Variants in APBA1 observed in about 807,000 individuals in gnomAD.
APBA1 encodes the protein amyloid-beta A4 precursor protein-binding family A member 1.
A neutral mutation model predicts 86.6 loss-of-function variants in APBA1; 55 were observed. That is an observed-to-expected ratio of 0.64 (90% CI 0.51 to 0.80). The LOEUF is 0.80. Ranked by LOEUF, APBA1 falls within the 30% of genes least tolerant of loss-of-function variation. APBA1 has a pLI of 0.00. For missense variants in APBA1, 1,090 were observed against 1,183.0 expected (o/e 0.92, Z 1.15); for synonymous variants, 511 against 493.9 (o/e 1.03, Z -0.46).
chr9:69,567,183 A>G (rs1837040557), intron 1 of APBA1, among the ~76,000 whole-genome samples: 1 of 152,152 alleles, frequency 6.6e-6, no homozygotes, highest in Admixed American at 6.5e-5. Context: ...GCGATCAATC[A>G]TTTCCACACA....
At chr9:69,631,582 T>G (rs2133998492) in intron 1 of APBA1, among the ~76,000 whole-genome samples, 1 of 152,342 alleles carries the variant, frequency 6.6e-6, no homozygotes, top group South Asian at 2.1e-4. Flanking sequence ...TTATAAATCA[T>G]GCTGCTATAA....
chr9:69,581,866 C>T (rs1821918206), intron 1 of APBA1, among the ~76,000 whole-genome samples: 1 of 152,090 alleles, frequency 6.6e-6, no homozygotes, highest in African/African-American at 2.4e-5. Flanking sequence ...CCCTCTGAGA[C>T]ATTTTGTGAG....
chr9:69,492,251 A>G (rs1180981364), intron 2 of APBA1, among the ~76,000 whole-genome samples: 2 of 152,036 alleles, frequency 1.3e-5, no homozygotes, highest in South Asian at 2.1e-4. Context: ...GGAAACAGCT[A>G]GCACCCACCT....
chr9:69,585,460 A>G (rs555066202), intron 1 of APBA1, among the ~76,000 whole-genome samples: 48 of 152,298 alleles, frequency 3.2e-4, no homozygotes, highest in African/African-American at 1.1e-3. Context: ...GCCTAGCCCA[A>G]TGTGCCCTGG....
At chr9:69,499,773 C>G (rs1268291460) in intron 2 of APBA1, among the ~76,000 whole-genome samples, 1 of 151,522 alleles carries the variant, frequency 6.6e-6, no homozygotes, top group East Asian at 1.9e-4. Flanking sequence ...CCTACACCCT[C>G]ACTGCAACAT....
At chr9:69,656,549 T>C (rs1379913167) in intron 1 of APBA1, among the ~76,000 whole-genome samples, 2 of 152,210 alleles carry the variant, frequency 1.3e-5, no homozygotes, top group Admixed American at 6.5e-5. Flanking sequence ...GAGTAGTGGT[T>C]ACCTTTCTGA....
intron 11 of APBA1, among the ~76,000 whole-genome samples, chr9:69,433,464 G>A (rs1834640045): frequency 1.3e-5 from 2 of 152,250 alleles, no homozygotes; most frequent in African/African-American, 4.8e-5. Flanking sequence ...GTGTGATTCT[G>A]AGTGTGTGGC....
intron 1 of APBA1, among the ~76,000 whole-genome samples, chr9:69,556,620 CCA>C (rs1836863449): frequency 6.6e-6 from 1 of 152,098 alleles, no homozygotes; most frequent in Non-Finnish European, 1.5e-5. Flanking sequence ...GGGATGATGC[CCA>C]GTCTCAACAG....
chr9:69,451,198 C>T (rs996541737), intron 9 of APBA1, among the ~76,000 whole-genome samples: 3 of 152,296 alleles, frequency 2.0e-5, no homozygotes, highest in African/African-American at 4.8e-5. Flanking sequence ...TCCCTCTGGA[C>T]AGAAGGAAGC....
chr9:69,512,363 G>GA (rs1434215914), intron 2 of APBA1, among the ~76,000 whole-genome samples: 9 of 152,064 alleles, frequency 5.9e-5, no homozygotes, highest in Non-Finnish European at 1.0e-4. Context: ...TTTGCTCCAA[G>GA]AAAAAAGCAC....
intron 1 of APBA1, among the ~76,000 whole-genome samples, chr9:69,652,869 C>T (rs186614682): frequency 9.2e-5 from 14 of 151,998 alleles, no homozygotes; most frequent in East Asian, 7.7e-4. Flanking sequence ...GTGGTATGCG[C>T]GCCTGTAGTC....
At chr9:69,593,488 G>A (rs943296567) in intron 1 of APBA1, among the ~76,000 whole-genome samples, 1 of 152,128 alleles carries the variant, frequency 6.6e-6, no homozygotes, top group Non-Finnish European at 1.5e-5. Context: ...CCGTCAACAA[G>A]GGGCTAAAAG....
intron 1 of APBA1, among the ~76,000 whole-genome samples, chr9:69,518,181 TAAC>T (rs933513241): frequency 1.2e-4 from 18 of 152,162 alleles, no homozygotes; most frequent in African/African-American, 3.9e-4. Context: ...AAATACAGTA[TAAC>T]AACAATTTAT....
intron 1 of APBA1, among the ~76,000 whole-genome samples, chr9:69,609,482 T>A (rs998299572): frequency 2.0e-5 from 3 of 152,244 alleles, no homozygotes; most frequent in Non-Finnish European, 2.9e-5. Flanking sequence ...CTCTTACATT[T>A]CCTTTAAAAA....
chr9:69,611,256 CTCTG>C (rs1221989806), intron 1 of APBA1, among the ~76,000 whole-genome samples: 3 of 137,388 alleles, frequency 2.2e-5, no homozygotes, highest in Non-Finnish European at 4.6e-5. Context: ...ATAAAAATTG[CTCTG>C]TCTGACATGC....
intron 2 of APBA1, among the ~76,000 whole-genome samples, chr9:69,513,237 C>G (rs1384678244): frequency 6.6e-6 from 1 of 152,232 alleles, no homozygotes; most frequent in Non-Finnish European, 1.5e-5. Flanking sequence ...TTGAATGAAA[C>G]AGCATGCAAG....
chr9:69,654,809 C>T lies in APBA1; in HGVS notation c.-70+17344G>A, dbSNP rs555818167. Among the ~76,000 whole-genome samples the T allele has an allele frequency of 8.5e-5, 13 of 152,202 alleles. No homozygotes were observed. In the South Asian group the frequency reaches 1.5e-3, roughly 17 times the overall value. On this transcript the variant is annotated intron_variant, in intron 1 of 12. Transcript: ENST00000265381. ...GAATATAGATGCAATAATCTTCAAC[C>T]GAACACTAGTAAACCAAATCCAAAA...
chr9:69,465,439 G>C (rs1323872920), intron 5 of APBA1: 2 of 152,230 alleles, frequency 1.3e-5, no homozygotes, highest in Non-Finnish European at 2.9e-5. Flanking sequence ...AAAATAGGAC[G>C]TGACTTTGCC....
At chr9:69,614,291 G>C (rs905920960) in intron 1 of APBA1, among the ~76,000 whole-genome samples, 1 of 152,140 alleles carries the variant, frequency 6.6e-6, no homozygotes, top group African/African-American at 2.4e-5. Flanking sequence ...AGACTTTCTA[G>C]TCAGGCCCGT....
Sources: gnomAD v4.1 joint callset for allele counts (sites outside exome capture counted in the v4.1 genomes callset) on GRCh38, gnomAD v4.1.1 for gene constraint, MANE v1.5 for transcripts, NCBI Gene and HGNC (gene_info 2026-07-23, HGNC 2026-07-21) for gene names.